The following ATE1 variants were observed in gnomAD, a reference collection of about 807,000 sequenced individuals.
ATE1 encodes arginyltransferase 1.
ATE1 carries 36 observed loss-of-function variants against 70.5 expected under a neutral mutation model. The ratio of observed to expected loss-of-function variants is 0.51; its 90% CI spans 0.39 to 0.67. The LOEUF is 0.67. ATE1 is among the 30% of genes least tolerant of loss of function. ATE1 has a pLI of 0.00. For synonymous variants in ATE1, 232 were observed against 219.3 expected (o/e 1.06, Z -0.51); for missense variants, 593 against 629.5 (o/e 0.94, Z 0.62).
chr10:121,799,615 G>A (rs1290518322), intron 10 of ATE1, among the ~76,000 whole-genome samples: 1 of 152,168 alleles, frequency 6.6e-6, no homozygotes, highest in East Asian at 1.9e-4. Flanking sequence ...ACAGTTTCAG[G>A]AAGCTTCAAA....
intron 10 of ATE1, among the ~76,000 whole-genome samples, chr10:121,804,257 A>G (rs10749432): frequency 0.91 from 138,881 of 152,230 alleles, 63,521 homozygotes; most frequent in Middle Eastern, 0.99. Flanking sequence ...GGGAATTTTG[A>G]ATGATAACTT....
chr10:121,816,525 T>C (rs1353779668), intron 10 of ATE1, among the ~76,000 whole-genome samples: 3 of 152,162 alleles, frequency 2.0e-5, no homozygotes. Context: ...GTTCCCTTTT[T>C]GTCCTTCTGC....
chr10:121,840,999 G>A, intron 9 of ATE1, 83 bp downstream of exon 9: 1 of 1,220,540 alleles, frequency 8.2e-7, no homozygotes, highest in Non-Finnish European at 1.1e-6. Context: ...GACTTCTACT[G>A]TTACATAATT....
rs572810517 is a variant in ATE1 at position 121,889,019 on chromosome 10, T to C, written c.942+10847A>G. Among the ~76,000 whole-genome samples the C allele has an allele frequency of 3.3e-5, 5 of 152,248 alleles. No homozygotes were observed. In the East Asian group the frequency reaches 9.6e-4, roughly 29 times the overall value. ...AGTTAGTAGTAATCAACTTATTTATTTATTTATTTTTTTGAGACAGAGTCT... is the reference window on the plus strand; with the variant it reads ...AGTTAGTAGTAATCAACTTATTTATCTATTTATTTTTTTGAGACAGAGTCT... On this transcript the variant is annotated intron_variant, in intron 7 of 11. Coordinates refer to ENST00000224652, the MANE Select transcript of ATE1 (RefSeq NM_001001976.3).
intron 8 of ATE1, among the ~76,000 whole-genome samples, chr10:121,846,075 G>A (rs1158336685): frequency 2.0e-5 from 3 of 150,332 alleles, no homozygotes; most frequent in Non-Finnish European, 4.4e-5. Context: ...AACTCAGGCA[G>A]GAAATATACA....
chr10:121,906,759 C>T (rs1258284249), intron 5 of ATE1, among the ~76,000 whole-genome samples: 5 of 151,894 alleles, frequency 3.3e-5, no homozygotes, highest in African/African-American at 1.2e-4. Flanking sequence ...CCTCTACCCC[C>T]AGCTAATTTT....
At chr10:121,750,626 CCTT>C (rs3036824) in intron 11 of ATE1, among the ~76,000 whole-genome samples, 58,189 of 151,928 alleles carry the variant, frequency 0.38, 12,106 homozygotes, top group East Asian at 0.59. Context: ...CTTTACTTCT[CCTT>C]CTTATGGGGA....
intron 11 of ATE1, among the ~76,000 whole-genome samples, chr10:121,749,148 A>G (rs1193013167): frequency 6.6e-6 from 1 of 152,158 alleles, no homozygotes; most frequent in African/African-American, 2.4e-5. Flanking sequence ...ACCTTCCTTC[A>G]AACCTAACTG....
chr10:121,888,800 G>T (rs1019049929), intron 7 of ATE1, among the ~76,000 whole-genome samples: 11 of 152,154 alleles, frequency 7.2e-5, no homozygotes, highest in African/African-American at 2.4e-4. Context: ...ACAGCGATGA[G>T]AGTTAACAGT....
intron 7 of ATE1, among the ~76,000 whole-genome samples, chr10:121,897,963 G>C (rs1300126551): frequency 2.6e-5 from 4 of 152,028 alleles, no homozygotes; most frequent in Non-Finnish European, 5.9e-5. Flanking sequence ...CCTTTCTCAG[G>C]GAACATGCAG....
intron 7 of ATE1, among the ~76,000 whole-genome samples, chr10:121,884,488 C>T (rs1950320172): frequency 6.6e-6 from 1 of 151,994 alleles, no homozygotes; most frequent in South Asian, 2.1e-4. Context: ...ACTCAGGGGA[C>T]CAAGGCAGGA....
intron 8 of ATE1, among the ~76,000 whole-genome samples, chr10:121,853,900 T>A (rs925878392): frequency 6.6e-6 from 1 of 152,314 alleles, no homozygotes; most frequent in South Asian, 2.1e-4. Context: ...CACATGATGG[T>A]AGGGGAAGGT....
At chr10:121,872,985 C>T (rs1047018335) in intron 7 of ATE1, among the ~76,000 whole-genome samples, 1 of 152,034 alleles carries the variant, frequency 6.6e-6, no homozygotes, top group Non-Finnish European at 1.5e-5. Context: ...TGCAGATGGG[C>T]ATATAATTTT....
At chr10:121,925,503 G>A (rs1351401064) in intron 1 of ATE1, among the ~76,000 whole-genome samples, 2 of 151,800 alleles carry the variant, frequency 1.3e-5, no homozygotes, top group African/African-American at 4.8e-5. Flanking sequence ...CAGGGGCTAT[G>A]ATGTTGTCAA....
intron 8 of ATE1, among the ~76,000 whole-genome samples, chr10:121,842,082 G>T (rs1476026718): frequency 6.6e-6 from 1 of 152,154 alleles, no homozygotes; most frequent in African/African-American, 2.4e-5. Flanking sequence ...CAATCCCATT[G>T]TATCTTCTAG....
chr10:121,824,193 G>C (rs1176928285), intron 10 of ATE1, among the ~76,000 whole-genome samples: 1 of 152,128 alleles, frequency 6.6e-6, no homozygotes, highest in Admixed American at 6.5e-5. Flanking sequence ...TAATTCACAG[G>C]ACATCTGACA....
rs572380929 is a variant in ATE1, at chr10:121,826,980, T to A, written c.1257+9738A>T. Among the ~76,000 whole-genome samples the A allele has an allele frequency of 4.6e-5, 7 of 152,172 alleles. No homozygotes were observed. The South Asian group carries it at 1.5e-3, about 32-fold the overall frequency. ...GATGACTGTGTAGTATTCCATAGTATATCTGTATCACATTTTCTTTACTGT... is the reference window on the plus strand; with the variant it reads ...GATGACTGTGTAGTATTCCATAGTAAATCTGTATCACATTTTCTTTACTGT... On this transcript the variant is annotated intron_variant, in intron 10 of 11. Transcript: ENST00000224652.
intron 5 of ATE1, among the ~76,000 whole-genome samples, chr10:121,904,843 A>C (rs144396119): frequency 1.4e-3 from 215 of 152,332 alleles, no homozygotes; most frequent in African/African-American, 4.9e-3. Flanking sequence ...GTGAGTTCAC[A>C]AACAGTTCAG....
At chr10:121,919,945 T>C (rs139416797) in intron 3 of ATE1, among the ~76,000 whole-genome samples, 11 of 152,154 alleles carry the variant, frequency 7.2e-5, no homozygotes, top group Admixed American at 5.9e-4. Context: ...TACATCCCTT[T>C]GGGCAGGAGG....
Sources: gnomAD v4.1 joint callset for allele counts (sites outside exome capture counted in the v4.1 genomes callset) on GRCh38, gnomAD v4.1.1 for gene constraint, MANE v1.5 for transcripts, NCBI Gene and HGNC (gene_info 2026-07-23, HGNC 2026-07-21) for gene names.